B3GNT7: variants seen among roughly 807,000 people sequenced by gnomAD.
B3GNT7 encodes the protein UDP-GlcNAc:betaGal beta-1,3-N-acetylglucosaminyltransferase 7.
Under a neutral mutation model 5.1 loss-of-function variants are expected in B3GNT7, and 9 were observed. The ratio of observed to expected loss-of-function variants is 1.77; its 90% CI spans 1.07 to 3.09. The LOEUF (loss-of-function observed/expected upper bound fraction) is 3.09, where lower values mean the gene tolerates loss of function less well. B3GNT7 is among the 30% of genes most tolerant of loss of function. B3GNT7 has a pLI of 0.00. For synonymous variants in B3GNT7, 253 were observed against 248.6 expected, an observed-to-expected ratio of 1.02 and a Z score of -0.17; for missense variants, 468 against 550.8, an observed-to-expected ratio of 0.85 and a Z score of 1.50.
At chr2:231,396,420 C>A (rs1407243079) in intron 1 of B3GNT7, among the ~76,000 whole-genome samples, 1 of 152,194 alleles carries the variant, frequency 6.6e-6, no homozygotes. Context: ...CCGTTTCCTC[C>A]CCGGAGAGCT....
At position 231,397,895 on chromosome 2, in the gene B3GNT7, A is replaced by G. The variant is rs762508875; in HGVS notation, c.176A>G (p.Asn59Ser). 5 of 1,613,692 alleles carry G rather than the reference A, an allele frequency of 3.1e-6. No homozygotes were observed. The highest frequency in any genetic ancestry group is 2.2e-5 in the East Asian group (1 of 44,892). ...QKPNGQLVNP[N>S]NFWKNPKDVA... ...CCAAATGGACAGCTGGTGAACCCCA[A>G]CAACTTCTGGAAGAACCCGAAAGAT... Residue 59 changes from asparagine to serine, a missense_variant, in exon 2 of 2, where the codon AAC becomes AGC. Asn to Ser is a conservative substitution (Grantham distance 46). Transcript: ENST00000287590.
At position 231,398,848 on chromosome 2, in the gene B3GNT7, C is replaced by A; in HGVS notation, c.1129C>A (p.Leu377Met). The change falls in exon 2 of 2, where the codon CTG (leucine) becomes ATG (methionine). Residue 377 changes from leucine to methionine, a missense_variant. Leu to Met is a conservative substitution (Grantham distance 15). Coordinates refer to ENST00000287590, the MANE Select transcript of B3GNT7 (RefSeq NM_145236.3). ...FRAMLVVHKL[L>M]PPELLAMWGL... is the part of the protein sequence containing the mutation. ...CGCCATGCTCGTGGTGCACAAGCTG[C>A]TGCCCCCTGAGCTGCTCGCCATGTG... is the stretch of plus-strand genomic sequence containing the variant. The A allele has an allele frequency of 1.2e-6, 2 of 1,601,110 alleles. No homozygotes were observed. The highest frequency in any genetic ancestry group is 1.7e-4 in the Middle Eastern group (1 of 6,060).
intron 1 of B3GNT7, 60 bp from the exon 2 acceptor site, chr2:231,397,671 C>T: frequency 6.8e-6 from 10 of 1,475,294 alleles, no homozygotes; most frequent in Non-Finnish European, 9.0e-6. Context: ...AAGGGGGGCG[C>T]CAGGAGAGCC....
chr2:231,397,660 CA>C, intron 1 of B3GNT7, 70 bp from the exon 2 acceptor site: 1 of 1,441,722 alleles, frequency 6.9e-7, no homozygotes, highest in Non-Finnish European at 9.3e-7. Context: ...CCCAGCCTCC[CA>C]AGGGGGGCGC....
Position 231,397,965 on chromosome 2 carries a change from G to A in B3GNT7, c.246G>A (p.Trp82Ter). The change falls in exon 2 of 2, where the codon TGG (tryptophan) becomes TGA (stop). Residue 82 changes from tryptophan to a stop codon, truncating the protein, a stop_gained. Transcript: ENST00000287590. LOFTEE classifies it low-confidence loss of function (END_TRUNC). ...TPMASQGPQAWDVTTTNCSAN... is the reference protein window; with the variant it reads ...TPMASQGPQA ...TGGCCTCTCAGGGGCCCCAGGCCTG[G>A]GACGTGACCACCACTAACTGCTCAG... The A allele has an allele frequency of 6.2e-7, 1 of 1,612,446 alleles. No individual in the cohort carries two copies. The highest frequency in any genetic ancestry group is 8.5e-7 in the Non-Finnish European group (1 of 1,179,894).
chr2:231,398,521 G>A lies in B3GNT7; in HGVS notation c.802G>A (p.Val268Ile). 1 of 1,613,668 alleles carries A rather than the reference G, an allele frequency of 6.2e-7. No homozygotes were observed. Among genetic ancestry groups the A allele is most frequent in the Non-Finnish European group, 8.5e-7 (1 of 1,179,866 alleles). ...ACAGGAAAACCTGTTCGTGGGCGAT[G>A]TCCTGCAGCACGCTCGGCCCATTCG... Reference protein sequence around the residue: ...QPQENLFVGDVLQHARPIRRK... With the variant: ...QPQENLFVGDILQHARPIRRK... The change falls in exon 2 of 2, where the codon GTC becomes ATC. Residue 268 changes from valine to isoleucine, a missense_variant. Transcript: ENST00000287590.
rs577826378 is a variant in B3GNT7 at position 231,401,095 on chromosome 2, G to C, written c.*2170G>C. ...TAAAAGGGCTAGGAATTTCTTTTTC[G>C]GGGAGCTCGGCTCTTAAGACGCGAG... On this transcript the variant is annotated 3_prime_UTR_variant, in exon 2 of 2. Coordinates refer to ENST00000287590, the MANE Select transcript of B3GNT7 (RefSeq NM_145236.3). 1 of 152,104 alleles carries C rather than the reference G, an allele frequency of 6.6e-6. No homozygotes were observed. Among genetic ancestry groups the C allele is most frequent in the Non-Finnish European group, 1.5e-5 (1 of 68,024 alleles). 9.4% of individuals were successfully genotyped at this position (152,104 alleles called of 1,614,324 possible).
chr2:231,397,470 G>A (rs2046524777), intron 1 of B3GNT7, among the ~76,000 whole-genome samples: 1 of 152,146 alleles, frequency 6.6e-6, no homozygotes. Context: ...GGCTCAGAGT[G>A]GTTGTAAACC....
In B3GNT7 at chr2:231,398,763, G is replaced by A; in HGVS notation, c.1044G>A (p.Lys348=). ...AGCCCACGGCCCACGAGGGCTTCAA[G>A]ACTTTCGGCATCTCCCGGAACCGCA... ...GVQPTAHEGF[K]TFGISRNRNS... The change falls in exon 2 of 2, where the codon AAG becomes AAA. Residue 348 remains lysine (K), a synonymous_variant. Coordinates refer to ENST00000287590, the MANE Select transcript of B3GNT7 (RefSeq NM_145236.3). The A allele has an allele frequency of 6.2e-7, 1 of 1,609,258 alleles. No individual in the cohort carries two copies. Among genetic ancestry groups the A allele is most frequent in the South Asian group, 1.1e-5 (1 of 91,082 alleles).
rs750854403 is a variant in B3GNT7 at position 231,398,448 on chromosome 2, C to T, written c.729C>T (p.Val243=). 8 of 1,613,654 alleles carry T rather than the reference C, an allele frequency of 5.0e-6. No individual in the cohort carries two copies. The African/African-American group carries it at 8.0e-5, about 16-fold the overall frequency. ...TCATTTTCAAAGGCGACGATGACGT[C>T]TTCGTCAACCCCACCAACCTGCTAG... The part of the protein sequence containing the change: ...VPFIFKGDDD[V]FVNPTNLLEF... The change falls in exon 2 of 2, where the codon GTC becomes GTT. Residue 243 remains valine (V), a synonymous_variant. Coordinates refer to ENST00000287590, the MANE Select transcript of B3GNT7 (RefSeq NM_145236.3).
intron 1 of B3GNT7, among the ~76,000 whole-genome samples, chr2:231,396,019 C>G (rs145246257): frequency 0.023 from 3,438 of 151,918 alleles, 146 homozygotes; most frequent in African/African-American, 0.079. Flanking sequence ...CGGCCCCGGA[C>G]CCGTGGGGGA....
rs368432162 is a variant in B3GNT7, at chr2:231,398,656, C to T, written c.937C>T (p.Leu313=). The change falls in exon 2 of 2, where the codon CTG becomes TTG. Residue 313 remains leucine (L), a synonymous_variant. Transcript: ENST00000287590. ...CATGGCCGGCAGCCTGGCCCGGCGC[C>T]TGCACCATGCCTGCGACACCCTGGA... ...FLMAGSLARR[L]HHACDTLELY... is the part of the protein sequence containing the mutation. 6.8e-6 allele frequency: 11 copies of T among 1,612,050 alleles called. No individual in the cohort carries two copies. The African/African-American group carries it at 1.2e-4, about 18-fold the overall frequency.
rs1429065730 is a variant in B3GNT7, at chr2:231,398,627, T to G, written c.908T>G (p.Phe303Cys). Residue 303 changes from phenylalanine (F) to cysteine (C), a missense_variant, in exon 2 of 2, where the codon TTC becomes TGC. Coordinates refer to ENST00000287590, the MANE Select transcript of B3GNT7 (RefSeq NM_145236.3). ...CCGCCGTATGCAGGCGGCGGTGGCT[T>G]CCTCATGGCCGGCAGCCTGGCCCGG... ...SYPPYAGGGG[F>C]LMAGSLARRL... is the part of the protein sequence containing the mutation. 5.6e-6 allele frequency: 9 copies of G among 1,612,286 alleles called. No individual in the cohort carries two copies. The highest frequency in any genetic ancestry group is 7.6e-6 in the Non-Finnish European group (9 of 1,179,630).
At position 231,398,700 on chromosome 2, in the gene B3GNT7, C is replaced by T. The variant is rs747511481; in HGVS notation, c.981C>T (p.Asp327=). 2.0e-5 allele frequency: 33 copies of T among 1,611,822 alleles called. No individual in the cohort carries two copies. The highest frequency in any genetic ancestry group is 4.5e-5 in the East Asian group (2 of 44,882). The change falls in exon 2 of 2, where the codon GAC becomes GAT. Residue 327 remains aspartate, a synonymous_variant. Coordinates refer to ENST00000287590, the MANE Select transcript of B3GNT7 (RefSeq NM_145236.3). The stretch of plus-strand genomic sequence containing the variant: ...CCCTGGAGCTCTACCCGATCGACGA[C>T]GTCTTTCTGGGCATGTGCCTGGAGG... ...CDTLELYPID[D]VFLGMCLEVL...
At chr2:231,396,096 C>T (rs936518089) in intron 1 of B3GNT7, among the ~76,000 whole-genome samples, 6 of 152,058 alleles carry the variant, frequency 3.9e-5, no homozygotes, top group East Asian at 1.9e-4. Flanking sequence ...CGCTCCAGGA[C>T]CCTGGCGGCT....
chr2:231,395,926 G>A lies in B3GNT7; in HGVS notation c.11+112G>A. On this transcript the variant is annotated intron_variant, in intron 1 of 1. Coordinates refer to ENST00000287590, the MANE Select transcript of B3GNT7 (RefSeq NM_145236.3). The surrounding 1 kb of genome is among the most constrained non-coding windows in gnomAD (Gnocchi z 7.3). ...GACTCCCGGGATAGGAGATGCCCCCGCGCGCGCCGCGCCGGCCTCAGTTTC... is the reference window on the plus strand; with the variant it reads ...GACTCCCGGGATAGGAGATGCCCCCACGCGCGCCGCGCCGGCCTCAGTTTC... 1.4e-6 allele frequency: 1 copy of A among 705,174 alleles called. No homozygotes were observed. Among genetic ancestry groups the A allele is most frequent in the African/African-American group, 1.9e-5 (1 of 51,692 alleles). The allele number at this position is 705,174 out of a possible 1,614,324, so 43.7% of individuals were successfully genotyped here.
At position 231,398,178 on chromosome 2, in the gene B3GNT7, C is replaced by T. The variant is rs537851735; in HGVS notation, c.459C>T (p.Ile153=). ...VITQHDRREA[I]RQTWGRERQS... ...CGCAGCACGACCGCCGCGAGGCCAT[C>T]CGCCAGACCTGGGGCCGCGAGCGGC... The change falls in exon 2 of 2, where the codon ATC becomes ATT. Residue 153 remains isoleucine (I), a synonymous_variant. Coordinates refer to ENST00000287590, the MANE Select transcript of B3GNT7 (RefSeq NM_145236.3). 1.3e-6 allele frequency: 2 copies of T among 1,590,810 alleles called. No homozygotes were observed. The highest frequency in any genetic ancestry group is 1.1e-5 in the South Asian group (1 of 87,350).
chr2:231,395,907 C>A lies in B3GNT7; in HGVS notation c.11+93C>A. Reference sequence around the variant, plus strand: ...GGCCACAGACGGGCGCCGGGACTCCCGGGATAGGAGATGCCCCCGCGCGCG... The same window carrying A: ...GGCCACAGACGGGCGCCGGGACTCCAGGGATAGGAGATGCCCCCGCGCGCG... On this transcript the variant is annotated intron_variant, in intron 1 of 1. Coordinates refer to ENST00000287590, the MANE Select transcript of B3GNT7 (RefSeq NM_145236.3). This position sits in a 1 kb window ranked among gnomAD's most constrained non-coding sequence, Gnocchi z 7.3. 1 of 907,446 alleles carries A rather than the reference C, an allele frequency of 1.1e-6. No individual in the cohort carries two copies. 56.2% of individuals were successfully genotyped at this position (907,446 alleles called of 1,614,324 possible). A position where few individuals can be genotyped will look rare whatever the true frequency, so the allele number is the denominator to read the frequency against.
chr2:231,397,309 G>A (rs1012196948), intron 1 of B3GNT7: 3 of 975,726 alleles, frequency 3.1e-6, no homozygotes, highest in Admixed American at 1.2e-4. Context: ...AAGGCATTGG[G>A]GTTCCAGGCG....
Sources: gnomAD v4.1 joint callset for allele counts (sites outside exome capture counted in the v4.1 genomes callset) on GRCh38, gnomAD v4.1.1 for gene constraint, Gnocchi (gnomAD v3.1) non-coding constraint, MANE v1.5 for transcripts, NCBI Gene and HGNC (gene_info 2026-07-23, HGNC 2026-07-21) for gene names.